Variants in MUC3A observed in about 807,000 individuals in gnomAD.
The protein encoded by MUC3A is mucin-3A.
A neutral mutation model predicts 109.0 loss-of-function variants in MUC3A; 109 were observed. The observed-to-expected ratio is 1.00, with a 90% CI of 0.86 to 1.17. The LOEUF (loss-of-function observed/expected upper bound fraction) is 1.17, where lower values mean the gene tolerates loss of function less well. Among genes scored for constraint, MUC3A ranks in the 50% most tolerant of loss-of-function variants. The pLI is 0.00. For synonymous variants in MUC3A, 1,398 were observed against 981.4 expected, an observed-to-expected ratio of 1.42 and a Z score of -7.93; for missense variants, 3,537 against 2,469.4, an observed-to-expected ratio of 1.43 and a Z score of -9.16.
intron 5 of MUC3A, chr7:100,964,176 C>G: frequency 3.3e-6 from 1 of 299,034 alleles, no homozygotes; most frequent in Non-Finnish European, 6.3e-6. Context: ...GTGGCTCACA[C>G]TTGCAATCCT....
At position 100,954,412 on chromosome 7, in the gene MUC3A, C is replaced by T. The variant is rs1047758933; in HGVS notation, c.2633C>T (p.Thr878Met). 1.4e-3 allele frequency: 573 copies of T among 400,914 alleles called. No individual in the cohort carries two copies. The highest frequency in any genetic ancestry group is 2.1e-3 in the Non-Finnish European group (481 of 227,700). 24.8% of individuals were successfully genotyped at this position (400,914 alleles called of 1,614,324 possible). A position where few individuals can be genotyped will look rare whatever the true frequency, so the allele number is the denominator to read the frequency against. ...GAAATCTCAATCTCTGTTAGCATGA[C>T]GTCTGCTACCACTCCCAGTGGAGGA... ...NTEISISVSMTSATTPSGGPT... is the reference protein window; with the variant it reads ...NTEISISVSMMSATTPSGGPT... Residue 878 changes from threonine (T) to methionine (M), a missense_variant, in exon 2 of 12, where the codon ACG becomes ATG. Thr to Met is a moderately conservative substitution (Grantham distance 81, BLOSUM62 -1). Coordinates refer to ENST00000379458, the MANE Select transcript of MUC3A (RefSeq NM_005960.2).
rs1173173065 is a variant in MUC3A at position 100,954,713 on chromosome 7, C to G, written c.2934C>G (p.Ser978Arg). 1 of 400,460 alleles carries G rather than the reference C, an allele frequency of 2.5e-6. No homozygotes were observed. The highest frequency in any genetic ancestry group is 4.4e-6 in the Non-Finnish European group (1 of 227,394). The allele number at this position is 400,460 out of a possible 1,614,324, so 24.8% of individuals were successfully genotyped here. ...TTGRGQTTFP[S>R]STATFPETTT... is the part of the protein sequence containing the mutation. ...GCAGAGGTCAGACCACCTTTCCCAG[C>G]TCTACAGCCACATTCCCTGAGACCA... The change falls in exon 2 of 12, where the codon AGC becomes AGG. Residue 978 changes from serine to arginine, a missense_variant. By Grantham distance (110) the Ser-to-Arg change is moderately radical. Coordinates refer to ENST00000379458, the MANE Select transcript of MUC3A (RefSeq NM_005960.2).
rs1792072724 is a variant in MUC3A at position 100,955,377 on chromosome 7, CCAA to C, written c.3603_3605del (p.Thr1202del). The C allele has an allele frequency of 1.5e-6, 1 of 663,970 alleles. No individual in the cohort carries two copies. The highest frequency in any genetic ancestry group is 2.3e-5 in the Admixed American group (1 of 44,248). 41.1% of individuals were successfully genotyped at this position (663,970 alleles called of 1,614,324 possible). A position where few individuals can be genotyped will look rare whatever the true frequency, so the allele number is the denominator to read the frequency against. ...GAGTACAGACACCCCTTCCACAACA[CCAA>C]CAACTATCACCTACCCTTCTGTGGG... On this transcript the variant is annotated inframe_deletion, in exon 2 of 12. Transcript: ENST00000379458.
chr7:100,964,668 C>A (rs777986071), intron 5 of MUC3A, 27 bp from the exon 6 acceptor site: 1 of 1,579,116 alleles, frequency 6.3e-7, no homozygotes, highest in Non-Finnish European at 8.6e-7. Context: ...CTGGCTGGGG[C>A]ACTCTCTAAG....
intron 5 of MUC3A, 166 bp downstream of exon 5, chr7:100,963,918 C>A: frequency 1.0e-6 from 1 of 966,622 alleles, no homozygotes; most frequent in Non-Finnish European, 1.6e-6. Context: ...TTTCTGGGGC[C>A]ATTTATCTGG....
In MUC3A at chr7:100,959,827, C is replaced by G; in HGVS notation, c.8048C>G (p.Ser2683Cys). 6.3e-7 allele frequency: 1 copy of G among 1,580,342 alleles called. No individual in the cohort carries two copies. Among genetic ancestry groups the G allele is most frequent in the Non-Finnish European group, 8.5e-7 (1 of 1,170,932 alleles). The change falls in exon 2 of 12, where the codon TCC becomes TGC. Residue 2683 changes from serine to cysteine, a missense_variant. By Grantham distance (112) the Ser-to-Cys change is moderately radical (BLOSUM62 -1). Transcript: ENST00000379458. ...ACTTCTTTTAGTACCATCATCTGGT[C>G]CTCAACACCCACTATTATCATGTCC... ...ILTSFSTIIW[S>C]STPTIIMSSS...
rs1375621325 is a variant in MUC3A, at chr7:100,964,688, C to A, written c.9234-7C>A. 2.5e-6 allele frequency: 4 copies of A among 1,597,592 alleles called. No individual in the cohort carries two copies. Among genetic ancestry groups the A allele is most frequent in the South Asian group, 2.2e-5 (2 of 90,954 alleles). On this transcript the variant is annotated splice_polypyrimidine_tract_variant and splice_region_variant and intron_variant, in intron 5 of 11. Coordinates refer to ENST00000379458, the MANE Select transcript of MUC3A (RefSeq NM_005960.2). ...TGGGGCACTCTCTAAGGCTGTGGAC[C>A]CCTCAGGAATGGCAGCATCGTGGTG... is the stretch of plus-strand genomic sequence containing the variant.
rs1245380893 is a variant in MUC3A at position 100,954,563 on chromosome 7, C to T, written c.2784C>T (p.Ser928=). ...GGACCACTCACACAGAGAGTATCTC[C>T]TCACCTCGAGGCACCACCAGTACAC... ...SAGTTHTESI[S]SPRGTTSTLH... is the part of the protein sequence containing the mutation. Residue 928 remains serine, a synonymous_variant, in exon 2 of 12, where the codon TCC becomes TCT. Transcript: ENST00000379458. 5.0e-6 allele frequency: 2 copies of T among 400,370 alleles called. No individual in the cohort carries two copies. The highest frequency in any genetic ancestry group is 8.8e-6 in the Non-Finnish European group (2 of 227,338). 24.8% of individuals were successfully genotyped at this position (400,370 alleles called of 1,614,324 possible).
rs1792143736 is a variant in MUC3A at position 100,957,859 on chromosome 7, C to T, written c.6080C>T (p.Thr2027Ile). The T allele has an allele frequency of 5.1e-6, 4 of 781,532 alleles. No individual in the cohort carries two copies. Among genetic ancestry groups the T allele is most frequent in the Non-Finnish European group, 9.1e-6 (4 of 440,236 alleles). 48.4% of individuals were successfully genotyped at this position (781,532 alleles called of 1,614,324 possible). ...ACATCCCACAATACTCCCAGCTTGA[C>T]TTCTTCGATCACAACCACCGAGACC... ...ETTSHNTPSL[T>I]SSITTTETTS... Residue 2027 changes from threonine (T) to isoleucine (I), a missense_variant, in exon 2 of 12, where the codon ACT becomes ATT. Coordinates refer to ENST00000379458, the MANE Select transcript of MUC3A (RefSeq NM_005960.2).
chr7:100,967,185 C>T lies in MUC3A; in HGVS notation c.*23C>T. 6.3e-7 allele frequency: 1 copy of T among 1,598,492 alleles called. No individual in the cohort carries two copies. The highest frequency in any genetic ancestry group is 8.5e-7 in the Non-Finnish European group (1 of 1,179,798). Reference sequence around the variant, plus strand: ...TGAGCCCTGCGGGGCCCCTTCACCACCCCCTCCGCCCTGCCCCGGACACAA... The same window carrying T: ...TGAGCCCTGCGGGGCCCCTTCACCATCCCCTCCGCCCTGCCCCGGACACAA... On this transcript the variant is annotated 3_prime_UTR_variant, in exon 12 of 12. Coordinates refer to ENST00000379458, the MANE Select transcript of MUC3A (RefSeq NM_005960.2).
Position 100,958,099 on chromosome 7 carries a change from C to T in MUC3A, c.6320C>T (p.Thr2107Ile). 3 of 1,409,968 alleles carry T rather than the reference C, an allele frequency of 2.1e-6. No homozygotes were observed. The highest frequency in any genetic ancestry group is 2.3e-5 in the South Asian group (2 of 86,186). 87.3% of individuals were successfully genotyped at this position (1,409,968 alleles called of 1,614,324 possible). ...ITTTETTSHS[T>I]PSFTSSITTS... is the part of the protein sequence containing the mutation. ...ACCACTGAGACCACCTCACACAGTACTCCCAGCTTCACTTCCTCAATCACC... is the reference window on the plus strand; with the variant it reads ...ACCACTGAGACCACCTCACACAGTATTCCCAGCTTCACTTCCTCAATCACC... The change falls in exon 2 of 12, where the codon ACT (threonine) becomes ATT (isoleucine). Residue 2107 changes from threonine (T) to isoleucine (I), a missense_variant. By Grantham distance (89) the Thr-to-Ile change is moderately conservative. Coordinates refer to ENST00000379458, the MANE Select transcript of MUC3A (RefSeq NM_005960.2).
At chr7:100,963,506 C>A (rs544922945) in intron 4 of MUC3A, among the ~76,000 whole-genome samples, 182 bp from the exon 5 acceptor site, 1 of 152,306 alleles carries the variant, frequency 6.6e-6, no homozygotes, top group Non-Finnish European at 1.5e-5. Context: ...AGACTGGTCT[C>A]GAACTACTGA....
At position 100,959,327 on chromosome 7, in the gene MUC3A, C is replaced by T. The variant is rs1263122017; in HGVS notation, c.7548C>T (p.Ile2516=). ...TTDFPSIPTD[I]STLPTRTHII... ...ACTTTCCCTCTATACCCACTGATAT[C>T]AGTACCTTACCAACTCGAACACACA... is the stretch of plus-strand genomic sequence containing the variant. The change falls in exon 2 of 12, where the codon ATC becomes ATT. Residue 2516 remains isoleucine (I), a synonymous_variant. Transcript: ENST00000379458. The T allele has an allele frequency of 6.4e-7, 1 of 1,562,562 alleles. No homozygotes were observed. Among genetic ancestry groups the T allele is most frequent in the African/African-American group, 1.3e-5 (1 of 74,186 alleles).
chr7:100,949,663 C>G lies in MUC3A; in HGVS notation c.39C>G (p.Leu13=), dbSNP rs1357910487. Residue 13 remains leucine, a synonymous_variant, in exon 1 of 12, where the codon CTC becomes CTG. Transcript: ENST00000379458. ...GGCTCCTCGGCCTCCTCTGGATGCT[C>G]AAGGCCTCCCCGTGGGCCACAGGTA... The part of the protein sequence containing the change: ...LLGLLGLLWM[L]KASPWATGTL... 5 of 1,555,298 alleles carry G rather than the reference C, an allele frequency of 3.2e-6. No homozygotes were observed. Among genetic ancestry groups the G allele is most frequent in the Admixed American group, 1.9e-5 (1 of 52,842 alleles).
intron 8 of MUC3A, 73 bp downstream of exon 8, chr7:100,965,939 T>A (rs77850164): frequency 3.3e-6 from 5 of 1,503,540 alleles, no homozygotes; most frequent in African/African-American, 1.4e-5. Context: ...TGCCCCATGC[T>A]CCGCCCCGGC....
chr7:100,966,253 C>T (rs78106474), intron 8 of MUC3A, 133 bp from the exon 9 acceptor site: 5 of 632,088 alleles, frequency 7.9e-6, no homozygotes, highest in African/African-American at 7.6e-5. Flanking sequence ...ATTCCCAGCC[C>T]CTTGTCTAGG....
chr7:100,955,386 A>G lies in MUC3A; in HGVS notation c.3607A>G (p.Ile1203Val), dbSNP rs1792072906. The G allele has an allele frequency of 1.5e-6, 1 of 649,070 alleles. No homozygotes were observed. The allele number at this position is 649,070 out of a possible 1,614,324, so 40.2% of individuals were successfully genotyped here. ...CACCCCTTCCACAACACCAACAACT[A>G]TCACCTACCCTTCTGTGGGCTCTAC... ...TDTPSTTPTT[I>V]TYPSVGSTGF... The change falls in exon 2 of 12, where the codon ATC becomes GTC. Residue 1203 changes from isoleucine (I) to valine (V), a missense_variant. Transcript: ENST00000379458.
chr7:100,966,718 C>G lies in MUC3A; in HGVS notation c.9852C>G (p.Asn3284Lys), dbSNP rs376654301. 4 of 1,598,540 alleles carry G rather than the reference C, an allele frequency of 2.5e-6. No homozygotes were observed. Among genetic ancestry groups the G allele is most frequent in the Non-Finnish European group, 3.4e-6 (4 of 1,179,822 alleles). Residue 3284 changes from asparagine (N) to lysine (K), a missense_variant, in exon 10 of 12, where the codon AAC becomes AAG. Asn to Lys is a moderately conservative substitution (Grantham distance 94). Coordinates refer to ENST00000379458, the MANE Select transcript of MUC3A (RefSeq NM_005960.2). Reference sequence around the variant, plus strand: ...AGGAAGTCGTGGGCACTTTTTCAAACTGGGGTTTCGAGGACGACGGAACAG... The same window carrying G: ...AGGAAGTCGTGGGCACTTTTTCAAAGTGGGGTTTCGAGGACGACGGAACAG... ...WDEEVVGTFS[N>K]WGFEDDGTDK... is the part of the protein sequence containing the mutation.
At position 100,949,663 on chromosome 7, in the gene MUC3A, CA is replaced by C; in HGVS notation, c.41del (p.Lys14ArgfsTer63). ...LGLLGLLWML[K>X]ASPWATGTLS... is the part of the protein sequence containing the mutation. ...GGCTCCTCGGCCTCCTCTGGATGCT[CA>C]AGGCCTCCCCGTGGGCCACAGGTAA... On this transcript the variant is annotated frameshift_variant, in exon 1 of 12. Coordinates refer to ENST00000379458, the MANE Select transcript of MUC3A (RefSeq NM_005960.2). LOFTEE classifies it high-confidence loss of function. 6.4e-7 allele frequency: 1 copy of C among 1,555,298 alleles called. No individual in the cohort carries two copies.
Sources: allele counts gnomAD v4.1 joint callset (sites outside exome capture counted in the v4.1 genomes callset), GRCh38; gene constraint gnomAD v4.1.1; transcripts MANE v1.5; gene names NCBI Gene and HGNC (gene_info 2026-07-23, HGNC 2026-07-21).